REXO5: variants seen among roughly 807,000 people sequenced by gnomAD.
REXO5 encodes the protein RNA exonuclease 5.
Under a neutral mutation model 88.5 loss-of-function variants are expected in REXO5, and 48 were observed. The observed-to-expected ratio is 0.54, with a 90% CI of 0.43 to 0.69. REXO5 has a LOEUF of 0.69. Ranked by LOEUF, REXO5 falls within the 30% of genes least tolerant of loss-of-function variation. The pLI, the probability that REXO5 is intolerant of heterozygous loss-of-function variation, is 0.00. For synonymous variants in REXO5, 311 were observed against 336.5 expected, an observed-to-expected ratio of 0.92 and a Z score of 0.83; for missense variants, 749 against 912.2, an observed-to-expected ratio of 0.82 and a Z score of 2.30.
At chr16:20,816,645 A>G (rs1421981351) in intron 5 of REXO5, among the ~76,000 whole-genome samples, 2 of 152,188 alleles carry the variant, frequency 1.3e-5, no homozygotes, top group Admixed American at 6.5e-5. Flanking sequence ...CTGGGCCACA[A>G]AAACAGTTTT....
intron 5 of REXO5, among the ~76,000 whole-genome samples, chr16:20,819,756 C>CA (rs34436271): frequency 0.44 from 60,834 of 139,142 alleles, 14,961 homozygotes; most frequent in Non-Finnish European, 0.59. Context: ...ACTCCGTCTC[C>CA]AAAAAAAAAA....
At position 20,849,630 on chromosome 16, in the gene REXO5, T is replaced by C. The variant is rs2081662700; in HGVS notation, c.*150T>C. On this transcript the variant is annotated 3_prime_UTR_variant, in exon 20 of 20. Coordinates refer to ENST00000261377, the MANE Select transcript of REXO5 (RefSeq NM_030941.3). The stretch of plus-strand genomic sequence containing the variant: ...GAGTTTAGTTTGTTTATATGGCATG[T>C]ATAAGTTTTCAATAAATGCCTAAAG... The C allele has an allele frequency of 3.1e-6, 2 of 649,054 alleles. No homozygotes were observed. Among genetic ancestry groups the C allele is most frequent in the Non-Finnish European group, 5.4e-6 (2 of 367,868 alleles). 40.2% of individuals were successfully genotyped at this position (649,054 alleles called of 1,614,324 possible).
chr16:20,849,009 C>CTTG (rs1567415720), intron 19 of REXO5, among the ~76,000 whole-genome samples: 3 of 152,168 alleles, frequency 2.0e-5, no homozygotes, highest in Admixed American at 6.5e-5. Context: ...GAGGATAACA[C>CTTG]TTGTACCTAC....
intron 5 of REXO5, among the ~76,000 whole-genome samples, chr16:20,820,045 A>C (rs1488782770): frequency 6.6e-6 from 1 of 152,100 alleles, no homozygotes; most frequent in Admixed American, 6.5e-5. Context: ...CATGCCATGC[A>C]CCCAGCCTCT....
At position 20,829,674 on chromosome 16, in the gene REXO5, A is replaced by T. The variant is rs993373664; in HGVS notation, c.1158+1137A>T. Among the ~76,000 whole-genome samples, 8 of 152,214 alleles carry T rather than the reference A, an allele frequency of 5.3e-5. No individual in the cohort carries two copies. The East Asian group carries it at 1.5e-3, about 29-fold the overall frequency. On this transcript the variant is annotated intron_variant, in intron 11 of 19. Transcript: ENST00000261377. ...AGTGTACTGTTCTAAAATGCTGTAT[A>T]TACATTATCTTATTTAATCCTCACA...
chr16:20,833,524 A>G (rs761875423), intron 13 of REXO5, among the ~76,000 whole-genome samples: 2 of 152,074 alleles, frequency 1.3e-5, no homozygotes, highest in Non-Finnish European at 2.9e-5. Flanking sequence ...TATTCAGAAG[A>G]TCTGTGTTTG....
intron 13 of REXO5, among the ~76,000 whole-genome samples, chr16:20,838,589 T>G (rs1010880107): frequency 2.6e-5 from 4 of 152,208 alleles, no homozygotes; most frequent in African/African-American, 9.6e-5. Flanking sequence ...GTTATGCATG[T>G]GCCTTTAGTT....
chr16:20,843,057 C>A (rs1256858635), intron 15 of REXO5, among the ~76,000 whole-genome samples: 1 of 152,216 alleles, frequency 6.6e-6, no homozygotes, highest in African/African-American at 2.4e-5. Context: ...AATGGTATCT[C>A]ATTTGGGTTT....
At chr16:20,821,925 A>G in intron 6 of REXO5, 23 bp downstream of exon 6, 1 of 1,526,526 alleles carries the variant, frequency 6.6e-7, no homozygotes, top group South Asian at 1.3e-5. Flanking sequence ...TTACTCTGAT[A>G]TTGCTAACAA....
chr16:20,827,927 C>G (rs569465406), intron 10 of REXO5, among the ~76,000 whole-genome samples: 9 of 152,216 alleles, frequency 5.9e-5, no homozygotes, highest in Non-Finnish European at 1.3e-4. Flanking sequence ...CTCTAAGACA[C>G]TCCTGAGAAT....
chr16:20,843,996 T>C lies in REXO5; in HGVS notation c.1689T>C (p.Asp563=). The C allele has an allele frequency of 6.2e-7, 1 of 1,602,370 alleles. No homozygotes were observed. The highest frequency in any genetic ancestry group is 8.6e-7 in the Non-Finnish European group (1 of 1,169,256). ...CCCAGCTGGCCATAGAATCCTTGGA[T>C]GGTATTCTGGTAGATGGTATCTGCA... ...EAAQLAIESL[D]GILVDGICIK... Residue 563 remains aspartate (D), a synonymous_variant, in exon 16 of 20, where the codon GAT becomes GAC. Transcript: ENST00000261377.
At chr16:20,835,530 C>T (rs987391327) in intron 13 of REXO5, among the ~76,000 whole-genome samples, 2 of 152,120 alleles carry the variant, frequency 1.3e-5, no homozygotes. Context: ...ACACTAATCC[C>T]TACTCAACTG....
intron 2 of REXO5, among the ~76,000 whole-genome samples, chr16:20,809,855 T>C (rs1326281006): frequency 6.6e-6 from 1 of 152,250 alleles, no homozygotes; most frequent in Non-Finnish European, 1.5e-5. Flanking sequence ...CCCAAGCCAC[T>C]GCTCCCAGCT....
At chr16:20,820,545 T>TATATATATATATATA (rs1491420198) in intron 5 of REXO5, among the ~76,000 whole-genome samples, 42 of 12,346 alleles carry the variant, frequency 3.4e-3, no homozygotes, top group Admixed American at 7.4e-3. Context: ...TATATATATA[T>TATATATATATATATA]TTTTTTTTTT....
Position 20,827,189 on chromosome 16 carries a change from C to G in REXO5, c.953C>G (p.Ala318Gly). Reference sequence around the variant, plus strand: ...CACTCCTTAGATTTGGATCTCAGAGCACTGAAAGTGAGTATCTGATTTAGG... The same window carrying G: ...CACTCCTTAGATTTGGATCTCAGAGGACTGAAAGTGAGTATCTGATTTAGG... ...VGHSLDLDLRALKMIHPYVID... is the reference protein window; with the variant it reads ...VGHSLDLDLRGLKMIHPYVID... The change falls in exon 9 of 20, where the codon GCA becomes GGA. Residue 318 changes from alanine to glycine, a missense_variant. Coordinates refer to ENST00000261377, the MANE Select transcript of REXO5 (RefSeq NM_030941.3). 6.2e-7 allele frequency: 1 copy of G among 1,614,112 alleles called. No homozygotes were observed. The highest frequency in any genetic ancestry group is 8.5e-7 in the Non-Finnish European group (1 of 1,180,002).
chr16:20,823,448 C>CT (rs1302680658), intron 6 of REXO5: 1 of 152,078 alleles, frequency 6.6e-6, no homozygotes, highest in Non-Finnish European at 1.5e-5. Context: ...TTATAACCAT[C>CT]TTTTTCTTGA....
chr16:20,837,598 C>A (rs907170272), intron 13 of REXO5, among the ~76,000 whole-genome samples: 6 of 152,140 alleles, frequency 3.9e-5, no homozygotes, highest in Admixed American at 6.5e-5. Flanking sequence ...TCTATTCTTT[C>A]TTGACAACTT....
At chr16:20,815,098 A>C in intron 4 of REXO5, 45 bp downstream of exon 4, 1 of 1,583,644 alleles carries the variant, frequency 6.3e-7, no homozygotes. Context: ...CTGTTTTCCC[A>C]TTCTGAGACT....
chr16:20,843,902 G>T, intron 15 of REXO5, 32 bp from the exon 16 acceptor site: 4 of 1,471,512 alleles, frequency 2.7e-6, no homozygotes, highest in Non-Finnish European at 3.8e-6. Flanking sequence ...GAGCTGGAAA[G>T]CAATGATGAG....
Sources: gnomAD v4.1 joint callset for allele counts (sites outside exome capture counted in the v4.1 genomes callset) on GRCh38, gnomAD v4.1.1 for gene constraint, MANE v1.5 for transcripts, NCBI Gene and HGNC (gene_info 2026-07-23, HGNC 2026-07-21) for gene names.